KCNH5: variants seen among roughly 807,000 people sequenced by gnomAD.
KCNH5 encodes the protein potassium voltage-gated channel subfamily H member 5, also known as voltage-gated delayed rectifier potassium channel KCNH5.
In KCNH5, 46 loss-of-function variants were observed where a neutral mutation model predicts 96.1. That is an observed-to-expected ratio of 0.48 (90% confidence interval 0.38 to 0.61). The LOEUF is 0.61. Among genes scored for constraint, KCNH5 ranks in the 20% least tolerant of loss-of-function variants. The probability of loss-of-function intolerance (pLI) is 0.00; values close to 1 mark genes in which losing one functional copy is unlikely to be tolerated. For synonymous variants in KCNH5, 439 were observed against 449.8 expected (o/e 0.98, Z 0.30); for missense variants, 907 against 1,225.8 (o/e 0.74, Z 3.88).
intron 8 of KCNH5, among the ~76,000 whole-genome samples, chr14:62,813,998 C>T (rs1886923400): frequency 6.6e-6 from 1 of 152,124 alleles, no homozygotes; most frequent in Non-Finnish European, 1.5e-5. Context: ...AAGGAAATAA[C>T]CCAGGAACAA....
chr14:62,789,679 AGT>A (rs1372458496), intron 9 of KCNH5, among the ~76,000 whole-genome samples: 1 of 151,938 alleles, frequency 6.6e-6, no homozygotes, highest in Non-Finnish European at 1.5e-5. Context: ...CCTGATGATT[AGT>A]GATTTGAGCA....
chr14:62,841,360 AT>A (rs146860551), intron 8 of KCNH5, among the ~76,000 whole-genome samples: 204 of 152,322 alleles, frequency 1.3e-3, no homozygotes, highest in African/African-American at 4.6e-3. Context: ...ATTACTGCAG[AT>A]TTACGGCAGT....
At chr14:62,912,319 G>A (rs1371974239) in intron 7 of KCNH5, among the ~76,000 whole-genome samples, 3 of 151,594 alleles carry the variant, frequency 2.0e-5, no homozygotes, top group South Asian at 4.2e-4. Context: ...TTGTCTTTTA[G>A]TACTTATACT....
chr14:62,736,832 T>C lies in KCNH5; in HGVS notation c.2020-28377A>G, dbSNP rs573024274. On this transcript the variant is annotated intron_variant, in intron 10 of 10. Coordinates refer to ENST00000322893, the MANE Select transcript of KCNH5 (RefSeq NM_139318.5). ...AGCCACAGTTCATGTTTCTTTTCTC[T>C]TTCTTTAACTCTTACGCTTACAGTG... is the stretch of plus-strand genomic sequence containing the variant. 1.5e-4 allele frequency among the ~76,000 whole-genome samples: 23 copies of C among 152,346 alleles called. No homozygotes were observed. The South Asian group carries it at 4.4e-3, about 29-fold the overall frequency.
At chr14:62,930,694 A>T (rs1889564684) in intron 7 of KCNH5, among the ~76,000 whole-genome samples, 1 of 152,146 alleles carries the variant, frequency 6.6e-6, no homozygotes, top group Non-Finnish European at 1.5e-5. Context: ...GCACTACAGA[A>T]TGCTGTTTAC....
At position 62,699,750 on chromosome 14, in the gene KCNH5, T is replaced by C. The variant is rs1884317755; in HGVS notation, c.*7758A>G. The C allele has an allele frequency of 6.6e-6, 1 of 152,182 alleles. No homozygotes were observed. The highest frequency in any genetic ancestry group is 2.4e-5 in the African/African-American group (1 of 41,464). 9.4% of individuals were successfully genotyped at this position (152,182 alleles called of 1,614,324 possible). ...CCCTAAAGTCACAAAGTTAAAATAT[T>C]TTCACACATCCTGTCAGCAGTCAGG... On this transcript the variant is annotated 3_prime_UTR_variant, in exon 11 of 11. Coordinates refer to ENST00000322893, the MANE Select transcript of KCNH5 (RefSeq NM_139318.5).
intron 2 of KCNH5, among the ~76,000 whole-genome samples, chr14:63,010,376 TTCC>T (rs1359553057): frequency 2.6e-5 from 4 of 152,168 alleles, no homozygotes; most frequent in Non-Finnish European, 5.9e-5. Flanking sequence ...AGAATGCCCC[TTCC>T]CCACCCCAGC....
At chr14:62,936,711 C>T (rs185158778) in intron 7 of KCNH5, among the ~76,000 whole-genome samples, 4 of 150,754 alleles carry the variant, frequency 2.7e-5, no homozygotes, top group Admixed American at 6.6e-5. Context: ...GGCACGGTGG[C>T]TCACACCTGT....
At chr14:62,791,829 G>T (rs906532608) in intron 9 of KCNH5, among the ~76,000 whole-genome samples, 2 of 151,610 alleles carry the variant, frequency 1.3e-5, no homozygotes, top group African/African-American at 4.8e-5. Flanking sequence ...AACAGCACAG[G>T]ACTTCAATAA....
chr14:63,008,320 G>A (rs1393448908), intron 2 of KCNH5, among the ~76,000 whole-genome samples: 1 of 151,892 alleles, frequency 6.6e-6, no homozygotes, highest in Admixed American at 6.6e-5. Context: ...GCCCCTGAAG[G>A]TTCAGCTTCA....
At chr14:62,903,173 G>A (rs9944153) in intron 7 of KCNH5, among the ~76,000 whole-genome samples, 43 of 152,196 alleles carry the variant, frequency 2.8e-4, no homozygotes, top group African/African-American at 9.4e-4. Context: ...TAGCCCTTCA[G>A]CAAATGTTTG....
Position 62,699,884 on chromosome 14 carries a change from C to G in KCNH5, c.*7624G>C, listed in dbSNP as rs915440450. 2.0e-5 allele frequency: 3 copies of G among 152,212 alleles called. No individual in the cohort carries two copies. The highest frequency in any genetic ancestry group is 3.4e-3 in the Middle Eastern group (1 of 294). The allele number at this position is 152,212 out of a possible 1,614,324, so 9.4% of individuals were successfully genotyped here. A position where few individuals can be genotyped will look rare whatever the true frequency, so the allele number is the denominator to read the frequency against. On this transcript the variant is annotated 3_prime_UTR_variant, in exon 11 of 11. Transcript: ENST00000322893. ...TGAATCAGATTTTGAAAAAAGCCAA[C>G]AAGTACTGCTTAGCATAATGGTATT...
rs190919842 is a variant in KCNH5, at chr14:62,910,389, G to A, written c.1369+39744C>T. ...TGTCCTAGAAATGTAACAAGACAAG[G>A]AAAAAAATATTAATAAAACAGTCTA... is the stretch of plus-strand genomic sequence containing the variant. On this transcript the variant is annotated intron_variant, in intron 7 of 10. Coordinates refer to ENST00000322893, the MANE Select transcript of KCNH5 (RefSeq NM_139318.5). 5.6e-3 allele frequency among the ~76,000 whole-genome samples: 854 copies of A among 151,660 alleles called. 8 individuals carry two copies. Among genetic ancestry groups the A allele is most frequent in the African/African-American group, 0.019 (784 of 41,352 alleles).
intron 6 of KCNH5, among the ~76,000 whole-genome samples, chr14:62,974,302 G>A (rs1290150040): frequency 6.6e-6 from 1 of 151,860 alleles, no homozygotes; most frequent in African/African-American, 2.4e-5. Flanking sequence ...CAAACAGCGT[G>A]TTATCTGCAG....
chr14:62,959,582 A>T (rs1890167772), intron 6 of KCNH5, among the ~76,000 whole-genome samples: 1 of 152,008 alleles, frequency 6.6e-6, no homozygotes, highest in South Asian at 2.1e-4. Context: ...TTATTTATAT[A>T]AAAAAACAGA....
intron 7 of KCNH5, among the ~76,000 whole-genome samples, chr14:62,943,872 C>T (rs1332595980): frequency 6.6e-6 from 1 of 152,090 alleles, no homozygotes; most frequent in African/African-American, 2.4e-5. Context: ...ATCAGGCAAC[C>T]CTTCCAATTC....
chr14:62,922,250 A>G (rs538672665), intron 7 of KCNH5, among the ~76,000 whole-genome samples: 13 of 152,048 alleles, frequency 8.5e-5, no homozygotes, highest in Non-Finnish European at 1.8e-4. Flanking sequence ...AGCTCTATCT[A>G]TAGCTACATC....
At chr14:62,776,221 C>A (rs1243227080) in intron 10 of KCNH5, among the ~76,000 whole-genome samples, 1 of 151,634 alleles carries the variant, frequency 6.6e-6, no homozygotes, top group Non-Finnish European at 1.5e-5. Context: ...GAGTCGAGAT[C>A]GCACCACTGC....
chr14:62,826,647 T>A (rs184460832), intron 8 of KCNH5, among the ~76,000 whole-genome samples: 91 of 152,124 alleles, frequency 6.0e-4, no homozygotes, highest in Admixed American at 1.0e-3. Context: ...CTTTTGATAT[T>A]TAAAACTTTT....
Sources: allele counts gnomAD v4.1 joint callset (sites outside exome capture counted in the v4.1 genomes callset), GRCh38; gene constraint gnomAD v4.1.1; transcripts MANE v1.5; gene names NCBI Gene and HGNC (gene_info 2026-07-23, HGNC 2026-07-21).